Variants in MBNL2 observed in about 807,000 individuals in gnomAD.
MBNL2 encodes muscleblind like splicing regulator 2.
A neutral mutation model predicts 41.9 loss-of-function variants in MBNL2; 17 were observed. The observed-to-expected ratio is 0.41, with a 90% CI of 0.28 to 0.61. The LOEUF (loss-of-function observed/expected upper bound fraction) is 0.61. Ranked by LOEUF, MBNL2 falls within the 20% of genes least tolerant of loss-of-function variation. MBNL2 has a pLI of 0.35. For synonymous variants in MBNL2, 195 were observed against 182.9 expected, an observed-to-expected ratio of 1.07 and a Z score of -0.53; for missense variants, 336 against 505.6, an observed-to-expected ratio of 0.66 and a Z score of 3.22.
chr13:97,366,064 A>G lies in MBNL2; in HGVS notation c.1048+893A>G, dbSNP rs1270383607. 6.6e-6 allele frequency among the ~76,000 whole-genome samples: 1 copy of G among 152,222 alleles called. No individual in the cohort carries two copies. Among genetic ancestry groups the G allele is most frequent in the Non-Finnish European group, 1.5e-5 (1 of 68,036 alleles). On this transcript the variant is annotated intron_variant, in intron 8 of 8. Transcript: ENST00000679496. The surrounding 1 kb of genome is among the most constrained non-coding windows in gnomAD (Gnocchi z 4.7). ...CTTGGATGTCTCAGAGTTTATGATT[A>G]AAAGTGATGATCACATATTCTTACT...
intron 8 of MBNL2, among the ~76,000 whole-genome samples, chr13:97,370,947 T>C (rs1430225746): frequency 6.6e-6 from 1 of 152,184 alleles, no homozygotes; most frequent in African/African-American, 2.4e-5. Flanking sequence ...TCTGAGTCCA[T>C]TGACCAAGGA....
rs1399428578 is a variant in MBNL2 at position 97,352,134 on chromosome 13, A to C, written c.805-4662A>C. Among the ~76,000 whole-genome samples, 4 of 152,302 alleles carry C rather than the reference A, an allele frequency of 2.6e-5. No individual in the cohort carries two copies. In the East Asian group the frequency reaches 7.7e-4, roughly 29 times the overall value. ...CTGGTTAGATCTGTCCAGCCCAATA[A>C]AATTTTTCCCACACTGGCAATAAGG... On this transcript the variant is annotated intron_variant, in intron 5 of 8. Transcript: ENST00000679496.
intron 2 of MBNL2, among the ~76,000 whole-genome samples, chr13:97,290,290 C>T (rs529235733): frequency 1.3e-5 from 2 of 151,936 alleles, no homozygotes; most frequent in Admixed American, 6.6e-5. Context: ...GTGGGCACAC[C>T]GCTGGAAATA....
intron 1 of MBNL2, among the ~76,000 whole-genome samples, chr13:97,266,805 G>A (rs1470291501): frequency 1.3e-5 from 2 of 152,070 alleles, no homozygotes; most frequent in Non-Finnish European, 2.9e-5. Context: ...AAGGAGACAA[G>A]GTTTCTTTCT....
the MBNL2 span, among the ~76,000 whole-genome samples, chr13:97,168,268 G>T: frequency 6.6e-6 from 1 of 152,044 alleles, no homozygotes; most frequent in Non-Finnish European, 1.5e-5. Context: ...CCGGCCTTGC[G>T]TATGTTTTAA....
Position 97,268,965 on chromosome 13 carries a change from C to T in MBNL2, c.-604-6667C>T, listed in dbSNP as rs899530613. ...GAAGGAGGGGGCGCTGTTCCGGATGCAGGCCCGTGAGGAGGGCCTGCCGGA... is the reference window on the plus strand; with the variant it reads ...GAAGGAGGGGGCGCTGTTCCGGATGTAGGCCCGTGAGGAGGGCCTGCCGGA... On this transcript the variant is annotated intron_variant, in intron 1 of 8. Coordinates refer to ENST00000679496, the MANE Select transcript of MBNL2 (RefSeq NM_001382683.1). This position sits in a 1 kb window ranked among gnomAD's most constrained non-coding sequence, Gnocchi z 4.6. 6.6e-6 allele frequency among the ~76,000 whole-genome samples: 1 copy of T among 152,206 alleles called. No homozygotes were observed. The highest frequency in any genetic ancestry group is 2.4e-5 in the African/African-American group (1 of 41,460).
chr13:97,295,030 T>C (rs188353593), intron 2 of MBNL2, among the ~76,000 whole-genome samples: 264 of 152,294 alleles, frequency 1.7e-3, no homozygotes, highest in African/African-American at 6.0e-3. Context: ...GAGGGGAAAG[T>C]AAGCAGTATG....
chr13:97,217,306 G>C (rs1358670929), upstream of MBNL2, among the ~76,000 whole-genome samples: 1 of 152,072 alleles, frequency 6.6e-6, no homozygotes, highest in African/African-American at 2.4e-5. Flanking sequence ...CTGCTATTAT[G>C]CAATGCATGT....
At chr13:97,178,146 A>G in the MBNL2 span, among the ~76,000 whole-genome samples, 1 of 152,230 alleles carries the variant, frequency 6.6e-6, no homozygotes, top group East Asian at 1.9e-4. Flanking sequence ...CTGGCAAAGA[A>G]AATGCGAGGA....
intron 1 of MBNL2, among the ~76,000 whole-genome samples, chr13:97,274,120 G>T (rs1255614956): frequency 6.6e-6 from 1 of 152,112 alleles, no homozygotes; most frequent in Admixed American, 6.6e-5. Context: ...AGCTCGTCTG[G>T]CTTGATTTAC....
At chr13:97,280,797 C>T (rs532895530) in intron 2 of MBNL2, among the ~76,000 whole-genome samples, 65 of 152,362 alleles carry the variant, frequency 4.3e-4, no homozygotes, top group Admixed American at 4.1e-3. Context: ...TTGGAATACT[C>T]TTGCCTCAGC....
At chr13:97,326,921 G>T (rs982530124) in intron 2 of MBNL2, among the ~76,000 whole-genome samples, 1 of 152,218 alleles carries the variant, frequency 6.6e-6, no homozygotes, top group Non-Finnish European at 1.5e-5. Flanking sequence ...CAGGCCAAAT[G>T]TTAGACTCAG....
At chr13:97,311,462 A>G (rs184772993) in intron 2 of MBNL2, among the ~76,000 whole-genome samples, 51 of 152,114 alleles carry the variant, frequency 3.4e-4, no homozygotes, top group Admixed American at 1.6e-3. Context: ...ATGTTTAATG[A>G]TGTTTACAAT....
At chr13:97,348,234 T>A (rs1343529026) in intron 5 of MBNL2, among the ~76,000 whole-genome samples, 1 of 151,808 alleles carries the variant, frequency 6.6e-6, no homozygotes, top group Admixed American at 6.6e-5. Flanking sequence ...AAGTTCTAAT[T>A]TTTTTTGTAG....
At chr13:97,176,844 A>T in the MBNL2 span, among the ~76,000 whole-genome samples, 2 of 152,136 alleles carry the variant, frequency 1.3e-5, no homozygotes, top group African/African-American at 2.4e-5. Flanking sequence ...CTACTTTGCC[A>T]CTACTGCAAT....
the MBNL2 span, among the ~76,000 whole-genome samples, chr13:97,199,842 AG>A: frequency 6.6e-6 from 1 of 152,222 alleles, no homozygotes. Flanking sequence ...GGTTTGATCA[AG>A]AAGCAGAACT....
intron 1 of MBNL2, among the ~76,000 whole-genome samples, chr13:97,259,439 G>A (rs1020700585): frequency 6.6e-6 from 1 of 152,158 alleles, no homozygotes; most frequent in African/African-American, 2.4e-5. Flanking sequence ...GCTACAGGCA[G>A]AACCTGCCAC....
At chr13:97,193,558 T>G in the MBNL2 span, among the ~76,000 whole-genome samples, 3 of 152,200 alleles carry the variant, frequency 2.0e-5, no homozygotes, top group Non-Finnish European at 4.4e-5. Flanking sequence ...CCTCAATTAT[T>G]TTATCAGTAA....
chr13:97,189,689 CTA>C, the MBNL2 span, among the ~76,000 whole-genome samples: 1 of 152,068 alleles, frequency 6.6e-6, no homozygotes, highest in Non-Finnish European at 1.5e-5. Flanking sequence ...TATTTTATGT[CTA>C]TATATACATA....
Sources: allele counts gnomAD v4.1 joint callset (sites outside exome capture counted in the v4.1 genomes callset), GRCh38; gene constraint gnomAD v4.1.1; non-coding constraint Gnocchi (gnomAD v3.1); transcripts MANE v1.5; gene names NCBI Gene and HGNC (gene_info 2026-07-23, HGNC 2026-07-21).